ACTN3: variants seen among roughly 807,000 people sequenced by gnomAD.
ACTN3 encodes actinin alpha 3, also known as alpha-actinin-3.
A neutral mutation model predicts 119.6 loss-of-function variants in ACTN3; 91 were observed. That is an observed-to-expected ratio of 0.76 (90% CI 0.64 to 0.91). The LOEUF is 0.91. Ranked by LOEUF, ACTN3 falls within the 40% of genes least tolerant of loss-of-function variation. The pLI is 0.00. For missense variants in ACTN3, 1,221 were observed against 1,215.1 expected (o/e 1.00, Z -0.07); for synonymous variants, 456 against 478.8 (o/e 0.95, Z 0.62).
intron 4 of ACTN3, 56 bp from the exon 5 acceptor site, chr11:66,554,480 G>T: frequency 1.4e-5 from 17 of 1,216,906 alleles, no homozygotes; most frequent in Non-Finnish European, 1.8e-5. Flanking sequence ...AAAGAAGTGT[G>T]AGAGGGCTGA....
At chr11:66,558,305 A>C in intron 11 of ACTN3, 131 bp downstream of exon 11, 2 of 1,332,796 alleles carry the variant, frequency 1.5e-6, no homozygotes, top group Non-Finnish European at 2.0e-6. Flanking sequence ...CAGAGACTGG[A>C]TTTCTAGTCC....
chr11:66,562,767 G>A (rs1015008886), intron 19 of ACTN3, 29 bp from the exon 20 acceptor site: 2 of 1,577,404 alleles, frequency 1.3e-6, no homozygotes, highest in Non-Finnish European at 1.7e-6. Context: ...AGTGCTCATG[G>A]GCATAGTGCC....
At chr11:66,551,164 G>A in intron 1 of ACTN3, 75 bp from the exon 2 acceptor site, 1 of 1,097,076 alleles carries the variant, frequency 9.1e-7, no homozygotes, top group Non-Finnish European at 1.4e-6. Context: ...GACCTACCCT[G>A]ACTGAGGAGA....
intron 11 of ACTN3, chr11:66,558,944 A>T (rs1857666821): frequency 3.1e-6 from 1 of 324,336 alleles, no homozygotes; most frequent in African/African-American, 2.1e-5. Context: ...TCAGGGGCTC[A>T]TGGGGGTTAC....
chr11:66,562,252 T>A lies in ACTN3; in HGVS notation c.2323-5T>A, dbSNP rs751003553. The A allele has an allele frequency of 1.2e-5, 20 of 1,613,672 alleles. No individual in the cohort carries two copies. The highest frequency in any genetic ancestry group is 1.7e-5 in the Non-Finnish European group (20 of 1,179,842). ...CCAAGCCTGATAACCACTCACCCCCTACAGAAGCAGAATGGGATGATGGAG... is the reference window on the plus strand; with the variant it reads ...CCAAGCCTGATAACCACTCACCCCCAACAGAAGCAGAATGGGATGATGGAG... On this transcript the variant is annotated splice_region_variant and splice_polypyrimidine_tract_variant and intron_variant, in intron 18 of 20. Coordinates refer to ENST00000513398, the MANE Select transcript of ACTN3 (RefSeq NM_001104.4).
chr11:66,559,969 G>C lies in ACTN3; in HGVS notation c.1429G>C (p.Glu477Gln). ...HIAALAQELN[E>Q]LDYHEAASVN... is the part of the protein sequence containing the mutation. ...ACTCGCCCTACTTCTCGCTCCCAGT[G>C]AGCTGGACTACCACGAGGCAGCCTC... Residue 477 changes from glutamate to glutamine, a missense_variant and splice_region_variant, in exon 13 of 21, where the codon GAG (glutamate) becomes CAG (glutamine). Transcript: ENST00000513398. The C allele has an allele frequency of 6.3e-7, 1 of 1,593,030 alleles. No individual in the cohort carries two copies. Among genetic ancestry groups the C allele is most frequent in the Non-Finnish European group, 8.5e-7 (1 of 1,171,884 alleles).
At chr11:66,550,805 C>G (rs1444524049) in intron 1 of ACTN3, among the ~76,000 whole-genome samples, 1 of 152,168 alleles carries the variant, frequency 6.6e-6, no homozygotes, top group African/African-American at 2.4e-5. Context: ...CAGAGACAGT[C>G]CCTTAGGCAA....
chr11:66,546,970 G>A lies in ACTN3; in HGVS notation c.33G>A (p.Gly11=), dbSNP rs992079414. 3.9e-6 allele frequency: 6 copies of A among 1,526,574 alleles called. No homozygotes were observed. Among genetic ancestry groups the A allele is most frequent in the Non-Finnish European group, 5.3e-6 (6 of 1,140,956 alleles). 94.6% of individuals were successfully genotyped at this position (1,526,574 alleles called of 1,614,324 possible). A position where few individuals can be genotyped will look rare whatever the true frequency, so the allele number is the denominator to read the frequency against. MMMVMQPEGL[G]AGEGRFAGGG... ...TGGTTATGCAGCCCGAGGGTCTGGG[G>A]GCCGGGGAGGGGCGCTTTGCGGGCG... Residue 11 remains glycine, a synonymous_variant, in exon 1 of 21, where the codon GGG becomes GGA. Coordinates refer to ENST00000513398, the MANE Select transcript of ACTN3 (RefSeq NM_001104.4).
rs751902903 is a variant in ACTN3 at position 66,551,286 on chromosome 11, G to A, written c.195G>A (p.Gln65=). 9 of 1,612,642 alleles carry A rather than the reference G, an allele frequency of 5.6e-6. No homozygotes were observed. The Admixed American group carries it at 1.5e-4, about 27-fold the overall frequency. ...CNSHLRKAGT[Q]IENIEEDFRN... Reference sequence around the variant, plus strand: ...CACACCTGCGCAAGGCAGGCACCCAGATCGAGAACATCGAGGAAGATTTCC... The same window carrying A: ...CACACCTGCGCAAGGCAGGCACCCAAATCGAGAACATCGAGGAAGATTTCC... Residue 65 remains glutamine (Q), a synonymous_variant, in exon 2 of 21, where the codon CAG becomes CAA. Coordinates refer to ENST00000513398, the MANE Select transcript of ACTN3 (RefSeq NM_001104.4).
At chr11:66,548,088 G>C (rs1857400471) in intron 1 of ACTN3, among the ~76,000 whole-genome samples, 2 of 152,194 alleles carry the variant, frequency 1.3e-5, no homozygotes, top group Admixed American at 6.5e-5. Flanking sequence ...GGAGAGGGCA[G>C]GGTACTGGGG....
Position 66,555,111 on chromosome 11 carries a change from C to T in ACTN3, c.558-19C>T, listed in dbSNP as rs762844832. 2.5e-6 allele frequency: 4 copies of T among 1,613,324 alleles called. No individual in the cohort carries two copies. In the Admixed American group the frequency reaches 5.0e-5, roughly 20 times the overall value. On this transcript the variant is annotated intron_variant, in intron 5 of 20. Coordinates refer to ENST00000513398, the MANE Select transcript of ACTN3 (RefSeq NM_001104.4). ...CCCAGCTTGAACCCAGGCCTGACCC[C>T]CCTCTTCTCTCTGTCCAGCTGGAAG...
chr11:66,547,035 GGGACCGCGACCTGCTGCT>G lies in ACTN3; in HGVS notation c.104_121del (p.Arg35_Asp40del). 6.6e-7 allele frequency: 1 copy of G among 1,514,920 alleles called. No individual in the cohort carries two copies. 93.8% of individuals were successfully genotyped at this position (1,514,920 alleles called of 1,614,324 possible). A position where few individuals can be genotyped will look rare whatever the true frequency, so the allele number is the denominator to read the frequency against. ...GAGTACATGGAACAGGAGGAGGACT[GGGACCGCGACCTGCTGCT>G]GGACCCGGCCTGGGAGAAGCAGCAG... is the stretch of plus-strand genomic sequence containing the variant. On this transcript the variant is annotated inframe_deletion, in exon 1 of 21. Coordinates refer to ENST00000513398, the MANE Select transcript of ACTN3 (RefSeq NM_001104.4).
At chr11:66,548,385 G>A (rs1447796363) in intron 1 of ACTN3, among the ~76,000 whole-genome samples, 2 of 151,054 alleles carry the variant, frequency 1.3e-5, no homozygotes, top group Admixed American at 6.6e-5. Context: ...GGGCCTCTCC[G>A]AGATCCAGGT....
Position 66,563,029 on chromosome 11 carries a change from C to T in ACTN3, c.2548-6C>T. 1 of 1,610,582 alleles carries T rather than the reference C, an allele frequency of 6.2e-7. No homozygotes were observed. Among genetic ancestry groups the T allele is most frequent in the Non-Finnish European group, 8.5e-7 (1 of 1,177,962 alleles). Reference sequence around the variant, plus strand: ...CCTGTGGGTCCTCAACGCCTCTTCTCCCCAGAACTACATCACCCCCGAGGA... The same window carrying T: ...CCTGTGGGTCCTCAACGCCTCTTCTTCCCAGAACTACATCACCCCCGAGGA... On this transcript the variant is annotated splice_region_variant and splice_polypyrimidine_tract_variant and intron_variant, in intron 20 of 20. Transcript: ENST00000513398.
At chr11:66,561,115 A>G in intron 15 of ACTN3, 112 bp from the exon 16 acceptor site, 2 of 1,387,484 alleles carry the variant, frequency 1.4e-6, no homozygotes, top group Non-Finnish European at 1.9e-6. Context: ...TATATCCCAG[A>G]CAAGTTGGCT....
intron 15 of ACTN3, chr11:66,561,026 A>G (rs1333637236): frequency 3.4e-6 from 1 of 296,136 alleles, no homozygotes; most frequent in African/African-American, 2.3e-5. Context: ...CATATTAGTA[A>G]ATGATGCCAT....
At chr11:66,552,294 C>T (rs1286208629) in intron 3 of ACTN3, among the ~76,000 whole-genome samples, 2 of 151,498 alleles carry the variant, frequency 1.3e-5, no homozygotes, top group East Asian at 2.0e-4. Context: ...CACTTGAACC[C>T]GGGAGGCCGA....
intron 13 of ACTN3, 37 bp downstream of exon 13, chr11:66,560,113 G>T: frequency 6.5e-7 from 1 of 1,545,924 alleles, no homozygotes; most frequent in African/African-American, 1.4e-5. Flanking sequence ...GGGTGGGTAG[G>T]TGGGTGAGGC....
chr11:66,558,923 A>T lies in ACTN3; in HGVS notation c.1277-313A>T, dbSNP rs1202114733. ...TGTCGAGGATTTCTGTAGTGAACAA[A>T]GGAGGCCGGGTCAGGGGCTCATGGG... On this transcript the variant is annotated intron_variant, in intron 11 of 20. Transcript: ENST00000513398. 1.4e-5 allele frequency: 4 copies of T among 295,322 alleles called. No individual in the cohort carries two copies. The Admixed American group carries it at 2.0e-4, about 15-fold the overall frequency. The allele number at this position is 295,322 out of a possible 1,614,324, so 18.3% of individuals were successfully genotyped here. A position where few individuals can be genotyped will look rare whatever the true frequency, so the allele number is the denominator to read the frequency against.
Sources: gnomAD v4.1 joint callset for allele counts (sites outside exome capture counted in the v4.1 genomes callset) on GRCh38, gnomAD v4.1.1 for gene constraint, MANE v1.5 for transcripts, NCBI Gene and HGNC (gene_info 2026-07-23, HGNC 2026-07-21) for gene names.